The following GALNT13 variants were observed in gnomAD, a reference collection of about 807,000 sequenced individuals.
The protein encoded by GALNT13 is polypeptide N-acetylgalactosaminyltransferase 13.
GALNT13 carries 28 observed loss-of-function variants against 64.2 expected under a neutral mutation model. The ratio of observed to expected loss-of-function variants is 0.44; its 90% CI spans 0.32 to 0.60. The LOEUF (loss-of-function observed/expected upper bound fraction) is 0.60, where lower values mean the gene tolerates loss of function less well. Ranked by LOEUF, GALNT13 falls within the 20% of genes least tolerant of loss-of-function variation. The pLI, the probability that GALNT13 is intolerant of heterozygous loss-of-function variation, is 0.05. For missense variants in GALNT13, 577 were observed against 669.8 expected (o/e 0.86, Z 1.53); for synonymous variants, 214 against 224.6 (o/e 0.95, Z 0.42).
In GALNT13 at chr2:154,382,798, T is replaced by A. The variant is rs553169893; in HGVS notation, c.1157-13193T>A. ...TGTTCTCTTAAAACGTTTTTTTTTT[T>A]TAAATATAAGTTTCTACTGTTCTTA... On this transcript the variant is annotated intron_variant, in intron 9 of 12. Transcript: ENST00000392825. Among the ~76,000 whole-genome samples the A allele has an allele frequency of 3.9e-4, 59 of 151,966 alleles. 1 individual carries two copies. In the East Asian group the frequency reaches 5.4e-3, roughly 14 times the overall value.
intron 4 of GALNT13, among the ~76,000 whole-genome samples, chr2:154,153,646 T>G (rs1176468389): frequency 6.6e-6 from 1 of 152,192 alleles, no homozygotes; most frequent in Admixed American, 6.5e-5. Context: ...CGGGCGCCCC[T>G]CTCCCAGCCT....
chr2:153,332,991 A>C, the GALNT13 span, among the ~76,000 whole-genome samples: 1 of 152,154 alleles, frequency 6.6e-6, no homozygotes, highest in Non-Finnish European at 1.5e-5. Context: ...GGCTTGTAAT[A>C]GGGAAGAGCA....
intron 4 of GALNT13, among the ~76,000 whole-genome samples, chr2:154,185,242 G>A (rs1686186452): frequency 6.6e-6 from 1 of 151,892 alleles, no homozygotes; most frequent in Non-Finnish European, 1.5e-5. Flanking sequence ...CTTTGTTTCT[G>A]ATAAATTGCT....
the GALNT13 span, among the ~76,000 whole-genome samples, chr2:153,641,078 T>G: frequency 6.6e-6 from 1 of 152,160 alleles, no homozygotes; most frequent in Admixed American, 6.6e-5. Flanking sequence ...TGAAATAATC[T>G]TTTCTTGTAT....
the GALNT13 span, among the ~76,000 whole-genome samples, chr2:153,866,112 G>A: frequency 9.2e-6 from 1 of 108,914 alleles, no homozygotes; most frequent in Non-Finnish European, 1.9e-5. Context: ...ATTGAACAAT[G>A]AGATCACATG....
the GALNT13 span, among the ~76,000 whole-genome samples, chr2:153,780,711 A>C: frequency 2.6e-5 from 4 of 152,104 alleles, no homozygotes; most frequent in Non-Finnish European, 5.9e-5. Flanking sequence ...GGGGGGAGAT[A>C]TGCCCCCAAA....
At chr2:153,740,572 AT>A in the GALNT13 span, among the ~76,000 whole-genome samples, 35 of 151,762 alleles carry the variant, frequency 2.3e-4, no homozygotes, top group East Asian at 5.6e-3. Context: ...GTCTTATTAA[AT>A]TTTTCTGTAC....
At chr2:154,377,289 C>T (rs16836930) in intron 9 of GALNT13, among the ~76,000 whole-genome samples, 1 of 28,060 alleles carries the variant, frequency 3.6e-5, no homozygotes, top group African/African-American at 8.3e-5. Context: ...TGTTCATTGT[C>T]TTTTTTGTGA....
chr2:153,526,181 G>A, the GALNT13 span, among the ~76,000 whole-genome samples: 32 of 152,378 alleles, frequency 2.1e-4, no homozygotes, highest in Non-Finnish European at 3.2e-4. Context: ...TCTGCTGATT[G>A]TAGAGCCACA....
the GALNT13 span, chr2:153,762,401 G>C: frequency 6.6e-6 from 1 of 152,084 alleles, no homozygotes; most frequent in Non-Finnish European, 1.5e-5. Flanking sequence ...ATGTCCATAG[G>C]GGACCCAGAA....
the GALNT13 span, among the ~76,000 whole-genome samples, chr2:153,197,963 G>A: frequency 6.6e-6 from 1 of 152,286 alleles, no homozygotes; most frequent in South Asian, 2.1e-4. Flanking sequence ...TTTGTCCTGG[G>A]GGCAGCATCC....
chr2:153,266,438 G>A, the GALNT13 span, among the ~76,000 whole-genome samples: 1 of 152,074 alleles, frequency 6.6e-6, no homozygotes, highest in Non-Finnish European at 1.5e-5. Context: ...TAAGGATACT[G>A]CCTGAGACTG....
intron 7 of GALNT13, among the ~76,000 whole-genome samples, chr2:154,246,566 C>T (rs1483475579): frequency 6.6e-6 from 1 of 152,052 alleles, no homozygotes; most frequent in Non-Finnish European, 1.5e-5. Context: ...CTCGAATTGT[C>T]TGTATAAGCA....
rs1406259295 is a variant in GALNT13, at chr2:154,298,583, ATAATTTATATATACAATGTATATAT to A, written c.976-2810_976-2786del. Among the ~76,000 whole-genome samples, 121 of 43,288 alleles carry A rather than the reference ATAATTTATATATACAATGTATATAT, an allele frequency of 2.8e-3. 21 individuals are homozygous for A. Among genetic ancestry groups the A allele is most frequent in the South Asian group, 4.3e-3 (4 of 924 alleles). 28.4% of individuals were successfully genotyped at this position (43,288 alleles called of 152,430 possible). On this transcript the variant is annotated intron_variant, in intron 8 of 12. Transcript: ENST00000392825. ...TATAATTTATATATAAATTGTATATATAATTTATATATACAATGTATATATTAATTTATATATACATTGTATATAT... is the reference window on the plus strand; with the variant it reads ...TATAATTTATATATAAATTGTATATATAATTTATATATACATTGTATATAT...
chr2:154,089,398 G>A (rs1558951339), intron 3 of GALNT13, among the ~76,000 whole-genome samples: 1 of 152,038 alleles, frequency 6.6e-6, no homozygotes, highest in Non-Finnish European at 1.5e-5. Flanking sequence ...TAGAGGCAAG[G>A]GTGATCGGGG....
the GALNT13 span, among the ~76,000 whole-genome samples, chr2:153,382,982 C>G: frequency 1.3e-5 from 2 of 152,018 alleles, no homozygotes; most frequent in Admixed American, 1.3e-4. Context: ...AAGCTCTAAA[C>G]AATATCATTA....
chr2:153,724,169 A>T, the GALNT13 span, among the ~76,000 whole-genome samples: 1 of 142,400 alleles, frequency 7.0e-6, no homozygotes, highest in South Asian at 2.2e-4. Context: ...CAACTATCTG[A>T]TCTTTGACAA....
chr2:153,447,864 A>C, the GALNT13 span, among the ~76,000 whole-genome samples: 2 of 152,174 alleles, frequency 1.3e-5, no homozygotes, highest in South Asian at 4.1e-4. Context: ...GAGGTCTTGG[A>C]TCATTCATTG....
intron 3 of GALNT13, among the ~76,000 whole-genome samples, chr2:154,130,343 G>A (rs995374823): frequency 6.6e-6 from 1 of 152,146 alleles, no homozygotes; most frequent in Non-Finnish European, 1.5e-5. Context: ...CCGAAGCAGA[G>A]AGCTGGAGAT....
Sources: allele counts gnomAD v4.1 joint callset (sites outside exome capture counted in the v4.1 genomes callset), GRCh38; gene constraint gnomAD v4.1.1; transcripts MANE v1.5; gene names NCBI Gene and HGNC (gene_info 2026-07-23, HGNC 2026-07-21).